Variants in CNTN6 observed in about 807,000 individuals in gnomAD.
The protein encoded by CNTN6 is contactin-6.
Under a neutral mutation model 122.8 loss-of-function variants are expected in CNTN6, and 137 were observed. The ratio of observed to expected loss-of-function variants is 1.12; its 90% confidence interval spans 0.97 to 1.29. The LOEUF (loss-of-function observed/expected upper bound fraction) is 1.29. CNTN6 is among the 50% of genes most tolerant of loss of function. CNTN6 has a pLI of 0.00. For missense variants in CNTN6, 1,634 were observed against 1,223.4 expected (o/e 1.34, Z -5.01); for synonymous variants, 570 against 426.0 (o/e 1.34, Z -4.16).
intron 3 of CNTN6, among the ~76,000 whole-genome samples, chr3:1,222,745 T>C (rs2094225127): frequency 6.6e-6 from 1 of 152,098 alleles, no homozygotes; most frequent in South Asian, 2.1e-4. Context: ...ATATGCAGGT[T>C]TGTTATATAG....
At chr3:1,249,360 T>C (rs1219120390) in intron 4 of CNTN6, among the ~76,000 whole-genome samples, 1 of 152,182 alleles carries the variant, frequency 6.6e-6, no homozygotes, top group Non-Finnish European at 1.5e-5. Flanking sequence ...TAAAATAAGG[T>C]CTATTTTCTG....
At chr3:1,148,543 C>T (rs1183267874) in intron 2 of CNTN6, among the ~76,000 whole-genome samples, 2 of 151,740 alleles carry the variant, frequency 1.3e-5, no homozygotes, top group African/African-American at 4.8e-5. Context: ...AGAATGTTAC[C>T]TCAGAACTAG....
intron 8 of CNTN6, among the ~76,000 whole-genome samples, chr3:1,324,927 T>C (rs964820315): frequency 1.4e-5 from 2 of 141,156 alleles, no homozygotes; most frequent in Non-Finnish European, 2.9e-5. Context: ...ATTACAAATA[T>C]AAAGCATCTG....
intron 10 of CNTN6, 30 bp downstream of exon 10, chr3:1,327,616 C>A (rs1472614783): frequency 2.5e-6 from 4 of 1,601,210 alleles, no homozygotes; most frequent in South Asian, 1.1e-5. Flanking sequence ...CCAACAAATT[C>A]AAAATGACGT....
At chr3:1,347,403 T>TATAATTAAGTGGATATGTCTA (rs1386807970) in intron 11 of CNTN6, among the ~76,000 whole-genome samples, 3 of 152,160 alleles carry the variant, frequency 2.0e-5, no homozygotes, top group Non-Finnish European at 4.4e-5. Context: ...ATTAAGTGGA[T>TATAATTAAGTGGATATGTCTA]ATTAGAGAAT....
intron 12 of CNTN6, among the ~76,000 whole-genome samples, chr3:1,368,707 G>C (rs1364163001): frequency 2.0e-5 from 3 of 151,812 alleles, no homozygotes; most frequent in Admixed American, 1.3e-4. Context: ...CCTCAATAAA[G>C]TATTATTTAT....
rs555021148 is a variant in CNTN6, at chr3:1,194,805, G to T, written c.56-25882G>T. ...GTGATGTCAACTCCATTGAGAACAT[G>T]TATCTTATTCCTTTTTTCCTGCTAC... is the stretch of plus-strand genomic sequence containing the variant. On this transcript the variant is annotated intron_variant, in intron 2 of 22. Transcript: ENST00000446702. Among the ~76,000 whole-genome samples the T allele has an allele frequency of 3.9e-5, 6 of 152,160 alleles. No individual in the cohort carries two copies. The South Asian group carries it at 1.2e-3, about 32-fold the overall frequency.
At chr3:1,114,201 G>A (rs925868571) in intron 1 of CNTN6, among the ~76,000 whole-genome samples, 3 of 152,152 alleles carry the variant, frequency 2.0e-5, no homozygotes, top group African/African-American at 4.8e-5. Flanking sequence ...TAAGATAAAA[G>A]AAAGGAGAAG....
chr3:1,165,189 C>T (rs114186697), intron 2 of CNTN6, among the ~76,000 whole-genome samples: 44 of 152,242 alleles, frequency 2.9e-4, no homozygotes, highest in African/African-American at 1.0e-3. Flanking sequence ...GTGTTCATAT[C>T]CTAGTGTTCA....
At chr3:1,124,803 CT>C in intron 1 of CNTN6, among the ~76,000 whole-genome samples, 1 of 152,036 alleles carries the variant, frequency 6.6e-6, no homozygotes, top group East Asian at 1.9e-4. Flanking sequence ...GATTTTCTGA[CT>C]TTCCTTAGAC....
chr3:1,340,449 C>T (rs369369345), intron 11 of CNTN6, among the ~76,000 whole-genome samples: 8 of 152,090 alleles, frequency 5.3e-5, no homozygotes, highest in East Asian at 1.9e-4. Context: ...GGCACAGCAT[C>T]GTGAATACAC....
chr3:1,159,415 TCA>T (rs1402309362), intron 2 of CNTN6, among the ~76,000 whole-genome samples: 1 of 152,062 alleles, frequency 6.6e-6, no homozygotes, highest in Non-Finnish European at 1.5e-5. Flanking sequence ...GGAGATTTCA[TCA>T]CACTACCCAG....
At chr3:1,159,673 A>G (rs978123678) in intron 2 of CNTN6, among the ~76,000 whole-genome samples, 1 of 151,974 alleles carries the variant, frequency 6.6e-6, no homozygotes, top group Non-Finnish European at 1.5e-5. Context: ...AAATTGACAG[A>G]ACAATTAATC....
intron 12 of CNTN6, among the ~76,000 whole-genome samples, chr3:1,370,227 T>A (rs1359050041): frequency 6.6e-6 from 1 of 151,634 alleles, no homozygotes; most frequent in Non-Finnish European, 1.5e-5. Context: ...TTTTTCTTTC[T>A]TTTTTTTTAA....
intron 1 of CNTN6, among the ~76,000 whole-genome samples, chr3:1,098,787 C>CATAT (rs1241583874): frequency 0.043 from 2,343 of 54,632 alleles, 22 homozygotes; most frequent in South Asian, 0.071. Flanking sequence ...CACACACACA[C>CATAT]ACATATATAT....
chr3:1,378,228 T>C (rs1710165911), intron 17 of CNTN6, among the ~76,000 whole-genome samples: 1 of 152,120 alleles, frequency 6.6e-6, no homozygotes, highest in Non-Finnish European at 1.5e-5. Flanking sequence ...CCACTTAGCA[T>C]CTCTCTTCAC....
chr3:1,355,407 T>C (rs570280528), intron 12 of CNTN6, among the ~76,000 whole-genome samples: 1 of 151,758 alleles, frequency 6.6e-6, no homozygotes, highest in African/African-American at 2.4e-5. Context: ...TAGACTGTTA[T>C]CTCTAATTCC....
chr3:1,190,582 C>T (rs1359518076), intron 2 of CNTN6, among the ~76,000 whole-genome samples: 1 of 152,068 alleles, frequency 6.6e-6, no homozygotes, highest in African/African-American at 2.4e-5. Flanking sequence ...GGGTGCCTTG[C>T]AGAGGAGAGT....
intron 1 of CNTN6, among the ~76,000 whole-genome samples, chr3:1,098,797 T>C (rs1450381118): frequency 2.6e-5 from 3 of 114,334 alleles, no homozygotes; most frequent in African/African-American, 5.5e-5. Flanking sequence ...CACATATATA[T>C]ATATATATAT....
Sources: allele counts gnomAD v4.1 joint callset (sites outside exome capture counted in the v4.1 genomes callset), GRCh38; gene constraint gnomAD v4.1.1; transcripts MANE v1.5; gene names NCBI Gene and HGNC (gene_info 2026-07-23, HGNC 2026-07-21).